Variants in APOO observed in about 807,000 individuals in gnomAD.
The protein encoded by APOO is apolipoprotein O, also known as MICOS complex subunit MIC26.
APOO carries 11 observed loss-of-function variants against 23.1 expected under a neutral mutation model. The observed-to-expected ratio is 0.48, with a 90% CI of 0.30 to 0.79. APOO has a LOEUF of 0.79. APOO is among the 30% of genes least tolerant of loss of function. APOO has a pLI of 0.07. For missense variants in APOO, 160 were observed against 142.7 expected, an observed-to-expected ratio of 1.12 and a Z score of -0.62; for synonymous variants, 59 against 54.8, an observed-to-expected ratio of 1.08 and a Z score of -0.34.
chrX:23,880,699 A>AAAATAAATAAATAAAT (rs751766793), intron 2 of APOO, 146 bp downstream of exon 2: 134 of 172,847 alleles, frequency 7.8e-4, no homozygotes, highest in Middle Eastern at 7.4e-3. Context: ...ACTCCGTCTC[A>AAAATAAATAAATAAAT]AAATAAATAA....
intron 1 of APOO, among the ~76,000 whole-genome samples, chrX:23,892,104 G>A (rs1163646410): frequency 9.3e-6 from 1 of 107,457 alleles, no homozygotes; most frequent in Admixed American, 1.0e-4. Context: ...TTTTTTTTGA[G>A]ACAGAGTTTT....
At chrX:23,858,599 A>G in intron 6 of APOO, 43 bp downstream of exon 6, 1 of 1,138,824 alleles carries the variant, frequency 8.8e-7, no homozygotes, top group Non-Finnish European at 1.2e-6. Flanking sequence ...ATACACACAC[A>G]AACAAGAATG....
intron 7 of APOO, among the ~76,000 whole-genome samples, chrX:23,844,115 C>G (rs1400815442): frequency 8.9e-6 from 1 of 112,004 alleles, no homozygotes; most frequent in African/African-American, 3.2e-5. Context: ...ATAGAACCCA[C>G]CTCAAAGACT....
intron 1 of APOO, among the ~76,000 whole-genome samples, chrX:23,892,767 CAA>C (rs750595725): frequency 1.1e-4 from 7 of 64,251 alleles, no homozygotes; most frequent in African/African-American, 5.8e-5. Flanking sequence ...GACTCCGTCA[CAA>C]AAAAAAAAAA....
At chrX:23,878,827 C>T in intron 3 of APOO, 88 bp downstream of exon 3, 1 of 1,106,477 alleles carries the variant, frequency 9.0e-7, no homozygotes, top group Non-Finnish European at 1.2e-6. Context: ...TTTATCATGC[C>T]TTTTTCCAAA....
At chrX:23,872,343 G>A (rs777715015) in intron 4 of APOO, among the ~76,000 whole-genome samples, 14 of 110,238 alleles carry the variant, frequency 1.3e-4, no homozygotes, top group Non-Finnish European at 2.5e-4. Flanking sequence ...GCTGCAGTGA[G>A]CTATGATCAC....
At chrX:23,857,913 G>A (rs1348737500) in intron 6 of APOO, among the ~76,000 whole-genome samples, 2 of 111,247 alleles carry the variant, frequency 1.8e-5, no homozygotes, top group African/African-American at 6.5e-5. Context: ...CCACCGGAGG[G>A]CTTGCTAAAA....
At chrX:23,851,133 G>A (rs1197953683) in intron 7 of APOO, among the ~76,000 whole-genome samples, 1 of 111,025 alleles carries the variant, frequency 9.0e-6, no homozygotes, top group Non-Finnish European at 1.9e-5. Context: ...TCCAGATAAT[G>A]GTTCCCTCTG....
intron 8 of APOO, among the ~76,000 whole-genome samples, chrX:23,834,650 C>T (rs922622783): frequency 2.7e-5 from 3 of 110,901 alleles, no homozygotes; most frequent in Non-Finnish European, 5.7e-5. Context: ...CCCCATCATA[C>T]TTTTCTGGAA....
intron 7 of APOO, among the ~76,000 whole-genome samples, chrX:23,855,001 C>T (rs1924716132): frequency 9.1e-6 from 1 of 109,361 alleles, no homozygotes; most frequent in Non-Finnish European, 1.9e-5. Context: ...CTTTAGAAAC[C>T]ACCAGTATAA....
intron 6 of APOO, among the ~76,000 whole-genome samples, chrX:23,857,316 C>T (rs1418588235): frequency 9.2e-6 from 1 of 109,289 alleles, no homozygotes; most frequent in Admixed American, 9.9e-5. Flanking sequence ...CAACGAGCAA[C>T]CAAGTTCACC....
intron 8 of APOO, chrX:23,836,851 G>C: frequency 1.9e-6 from 2 of 1,079,957 alleles, no homozygotes; most frequent in South Asian, 4.0e-5. Context: ...CAAAGCCGCT[G>C]AATTTGAAAC....
rs1346950673 is a variant in APOO at position 23,907,687 on chromosome X, C to A, written c.9+7G>T. 5 of 1,157,726 alleles carry A rather than the reference C, an allele frequency of 4.3e-6. No homozygotes were observed. Among genetic ancestry groups the A allele is most frequent in the Admixed American group, 2.7e-5 (1 of 37,728 alleles). On this transcript the variant is annotated splice_region_variant and intron_variant, in intron 1 of 8. Coordinates refer to ENST00000379226, the MANE Select transcript of APOO (RefSeq NM_024122.5). ...GTGACAGCTGTGACTCGACTCCACG[C>A]TCTCACCTTGAACATGTCGCTGGCA...
chrX:23,849,436 C>T (rs1269643140), intron 7 of APOO, among the ~76,000 whole-genome samples: 1 of 107,878 alleles, frequency 9.3e-6, no homozygotes, highest in Non-Finnish European at 1.9e-5. Flanking sequence ...ACAGAGAACA[C>T]GTTAAACTAT....
At chrX:23,887,231 T>TC (rs1926408510) in intron 1 of APOO, among the ~76,000 whole-genome samples, 1 of 67,453 alleles carries the variant, frequency 1.5e-5, no homozygotes, top group Non-Finnish European at 2.9e-5. Flanking sequence ...CTTTTTCCCT[T>TC]TTTTTTTTTT....
At position 23,852,627 on chromosome X, in the gene APOO, AT is replaced by A. The variant is rs1340292496; in HGVS notation, c.561+3674del. On this transcript the variant is annotated intron_variant, in intron 7 of 8. Coordinates refer to ENST00000379226, the MANE Select transcript of APOO (RefSeq NM_024122.5). The stretch of plus-strand genomic sequence containing the variant: ...AGACTCTGTCTCAAAAAAAAAAAAA[AT>A]ATGAATTAGATGATACTTAATTGAG... Among the ~76,000 whole-genome samples the A allele has an allele frequency of 9.6e-5, 10 of 104,617 alleles. No individual in the cohort carries two copies. The South Asian group carries it at 1.3e-3, about 14-fold the overall frequency. 90.8% of individuals were successfully genotyped at this position (104,617 alleles called of 115,157 possible).
At chrX:23,907,292 A>G (rs1232787631) in intron 1 of APOO, among the ~76,000 whole-genome samples, 1 of 101,772 alleles carries the variant, frequency 9.8e-6, no homozygotes, top group Non-Finnish European at 2.0e-5. Context: ...TCCCCCATCC[A>G]CACATCAGGT....
intron 7 of APOO, 82 bp from the exon 8 acceptor site, chrX:23,840,459 C>A: frequency 1.1e-6 from 1 of 890,025 alleles, no homozygotes. Flanking sequence ...TTTGGCTGAA[C>A]ATGAACATTA....
intron 4 of APOO, among the ~76,000 whole-genome samples, chrX:23,869,900 C>G (rs778349244): frequency 1.5e-3 from 156 of 101,793 alleles, no homozygotes; most frequent in African/African-American, 5.4e-3. Flanking sequence ...TGCAGTGAGC[C>G]AAGATCGCGC....
Sources: allele counts gnomAD v4.1 joint callset (sites outside exome capture counted in the v4.1 genomes callset), GRCh38; gene constraint gnomAD v4.1.1; transcripts MANE v1.5; gene names NCBI Gene and HGNC (gene_info 2026-07-23, HGNC 2026-07-21).